Variants in TGFBR3L observed in about 807,000 individuals in gnomAD.
The protein encoded by TGFBR3L is transforming growth factor-beta receptor type 3-like protein.
TGFBR3L carries 21 observed loss-of-function variants against 20.4 expected under a neutral mutation model. The ratio of observed to expected loss-of-function variants is 1.03; its 90% CI spans 0.73 to 1.48. The LOEUF is 1.48. Ranked by LOEUF, TGFBR3L falls within the 40% of genes most tolerant of loss-of-function variation. TGFBR3L has a pLI of 0.00. For missense variants in TGFBR3L, 479 were observed against 498.0 expected (o/e 0.96, Z 0.36); for synonymous variants, 245 against 244.2 (o/e 1.00, Z -0.03).
In TGFBR3L at chr19:7,917,781, G is replaced by C; in HGVS notation, c.805G>C (p.Val269Leu). The stretch of plus-strand genomic sequence containing the variant: ...CCCCGCGGCCCTGGAACCCGCGCCG[G>C]TGGTGGCGCTGGTGTTGGCAGCCTT... Residue 269 changes from valine (V) to leucine (L), a missense_variant, in exon 4 of 6, where the codon GTG becomes CTG. Val to Leu is a conservative substitution (Grantham distance 32, BLOSUM62 1). Transcript: ENST00000565886. 1.4e-6 allele frequency: 2 copies of C among 1,441,034 alleles called. No individual in the cohort carries two copies. Among genetic ancestry groups the C allele is most frequent in the Non-Finnish European group, 1.8e-6 (2 of 1,105,040 alleles). The allele number at this position is 1,441,034 out of a possible 1,614,324, so 89.3% of individuals were successfully genotyped here.
chr19:7,917,421 C>A, intron 2 of TGFBR3L, 52 bp from the exon 4 acceptor site: 2 of 1,501,648 alleles, frequency 1.3e-6, no homozygotes, highest in Non-Finnish European at 1.8e-6. Context: ...ACCAGAGCCA[C>A]GATCCCGGTG....
Position 7,916,031 on chromosome 19 carries a change from C to T in TGFBR3L, c.-237C>T. On this transcript the variant is annotated 5_prime_UTR_variant, in exon 1 of 6. Transcript: ENST00000565886. Reference sequence around the variant, plus strand: ...TTAGAAAGGGGAGCCGCCTGTCCTGCTGCGTCCCCAAGAGCAGCCCTGGGG... The same window carrying T: ...TTAGAAAGGGGAGCCGCCTGTCCTGTTGCGTCCCCAAGAGCAGCCCTGGGG... 4 of 692,200 alleles carry T rather than the reference C, an allele frequency of 5.8e-6. No homozygotes were observed. Among genetic ancestry groups the T allele is most frequent in the Non-Finnish European group, 6.9e-6 (3 of 433,216 alleles). 42.9% of individuals were successfully genotyped at this position (692,200 alleles called of 1,614,324 possible).
In TGFBR3L at chr19:7,919,050, T is replaced by C; in HGVS notation, c.*139T>C. The C allele has an allele frequency of 2.5e-6, 1 of 398,684 alleles. No homozygotes were observed. 24.7% of individuals were successfully genotyped at this position (398,684 alleles called of 1,614,324 possible). Reference sequence around the variant, plus strand: ...GACCCCTGCGCTTCTCTCCTCCCCCTGTCCCTCCCACCTGTGCTCAAAATA... The same window carrying C: ...GACCCCTGCGCTTCTCTCCTCCCCCCGTCCCTCCCACCTGTGCTCAAAATA... On this transcript the variant is annotated 3_prime_UTR_variant, in exon 6 of 6. Transcript: ENST00000565886.
chr19:7,916,725 G>A lies in TGFBR3L; in HGVS notation c.380G>A (p.Arg127His). The A allele has an allele frequency of 6.7e-7, 1 of 1,485,154 alleles. No individual in the cohort carries two copies. The allele number at this position is 1,485,154 out of a possible 1,614,324, so 92.0% of individuals were successfully genotyped here. A position where few individuals can be genotyped will look rare whatever the true frequency, so the allele number is the denominator to read the frequency against. ...CCGGGGCCCGCCCTGGCTCTGCTGC[G>A]TGAGGGCTGCCCCGCCGACACCTCT... The change falls in exon 2 of 6, where the codon CGT becomes CAT. Residue 127 changes from arginine to histidine, a missense_variant. Transcript: ENST00000565886.
rs1284280088 is a variant in TGFBR3L, at chr19:7,916,791, C to T, written c.446C>T (p.Ala149Val). The T allele has an allele frequency of 3.4e-6, 5 of 1,488,782 alleles. No individual in the cohort carries two copies. Among genetic ancestry groups the T allele is most frequent in the East Asian group, 5.6e-5 (2 of 35,724 alleles). 92.2% of individuals were successfully genotyped at this position (1,488,782 alleles called of 1,614,324 possible). Residue 149 changes from alanine (A) to valine (V), a missense_variant, in exon 2 of 6, where the codon GCC becomes GTC. Transcript: ENST00000565886. Reference sequence around the variant, plus strand: ...CCGCCGCCGCCGAGCCCGGGTGCCGCCCGCCCCGCGCGTTTCAGCTTCCGC... The same window carrying T: ...CCGCCGCCGCCGAGCCCGGGTGCCGTCCGCCCCGCGCGTTTCAGCTTCCGC...
chr19:7,916,986 G>C (rs1889306484), intron 2 of TGFBR3L, 44 bp downstream of exon 3: 2 of 1,269,642 alleles, frequency 1.6e-6, no homozygotes, highest in Non-Finnish European at 9.9e-7. Context: ...GGGGCCCTTC[G>C]GGGGCTGGGC....
chr19:7,917,174 G>A, intron 2 of TGFBR3L: 3 of 781,486 alleles, frequency 3.8e-6, no homozygotes, highest in Non-Finnish European at 5.5e-6. Context: ...GGATGCAGAA[G>A]GCCACTAAGG....
chr19:7,919,007 C>T lies in TGFBR3L; in HGVS notation c.*96C>T. 1 of 398,834 alleles carries T rather than the reference C, an allele frequency of 2.5e-6. No homozygotes were observed. The highest frequency in any genetic ancestry group is 4.4e-6 in the Non-Finnish European group (1 of 226,216). 24.7% of individuals were successfully genotyped at this position (398,834 alleles called of 1,614,324 possible). On this transcript the variant is annotated 3_prime_UTR_variant, in exon 6 of 6. Coordinates refer to ENST00000565886, the MANE Select transcript of TGFBR3L (RefSeq NM_001195259.2). ...GGACCGGACCCGCCTCCCTGGACCT[C>T]GGACCTGATGAGGCCACGACCCCTG...
In TGFBR3L at chr19:7,916,267, C is replaced by G; in HGVS notation, c.-1C>G. On this transcript the variant is annotated 5_prime_UTR_variant, in exon 1 of 6. Coordinates refer to ENST00000565886, the MANE Select transcript of TGFBR3L (RefSeq NM_001195259.2). The stretch of plus-strand genomic sequence containing the variant: ...GGGGGGAAAGTGGCGCGGAGCCCAT[C>G]ATGGGTGAATCGGCCGCCGCAACCG... 6.5e-7 allele frequency: 1 copy of G among 1,534,340 alleles called. No individual in the cohort carries two copies. The highest frequency in any genetic ancestry group is 2.4e-5 in the East Asian group (1 of 40,898).
intron 2 of TGFBR3L, 50 bp downstream of exon 3, chr19:7,916,992 T>G: frequency 2.4e-6 from 3 of 1,252,722 alleles, no homozygotes; most frequent in Non-Finnish European, 3.0e-6. Context: ...CTTCGGGGGC[T>G]GGGCACGGGC....
At chr19:7,917,020 G>T in intron 2 of TGFBR3L, 78 bp downstream of exon 3, 1 of 1,255,692 alleles carries the variant, frequency 8.0e-7, no homozygotes. Flanking sequence ...GCAGTGGAAA[G>T]AGGATACTCT....
Position 7,918,096 on chromosome 19 carries a change from G to T in TGFBR3L, c.923G>T (p.Ser308Ile), listed in dbSNP as rs771776660. 2.0e-6 allele frequency: 3 copies of T among 1,535,088 alleles called. No individual in the cohort carries two copies. The highest frequency in any genetic ancestry group is 2.6e-6 in the Non-Finnish European group (3 of 1,146,172). The change falls in exon 5 of 6, where the codon AGC becomes ATC. Residue 308 changes from serine (S) to isoleucine (I), a missense_variant. Physicochemically the swap from Ser to Ile is moderately radical, Grantham distance 142. Coordinates refer to ENST00000565886, the MANE Select transcript of TGFBR3L (RefSeq NM_001195259.2). ...GGCCCGCCCGCGAGAGCCTCGCCCAGCGGTCCCCAGCCCAGGAGGTCCCAG... is the reference window on the plus strand; with the variant it reads ...GGCCCGCCCGCGAGAGCCTCGCCCATCGGTCCCCAGCCCAGGAGGTCCCAG...
At chr19:7,917,397 TG>T in intron 2 of TGFBR3L, 75 bp from the exon 4 acceptor site, 1 of 1,474,222 alleles carries the variant, frequency 6.8e-7, no homozygotes, top group South Asian at 1.3e-5. Flanking sequence ...AGGTCTCTCT[TG>T]GGGGCCCTGG....
At position 7,916,147 on chromosome 19, in the gene TGFBR3L, C is replaced by T. The variant is rs1983274335; in HGVS notation, c.-121C>T. 7.0e-7 allele frequency: 1 copy of T among 1,436,932 alleles called. No homozygotes were observed. Among genetic ancestry groups the T allele is most frequent in the Non-Finnish European group, 9.1e-7 (1 of 1,099,476 alleles). The allele number at this position is 1,436,932 out of a possible 1,614,324, so 89.0% of individuals were successfully genotyped here. On this transcript the variant is annotated 5_prime_UTR_variant, in exon 1 of 6. Transcript: ENST00000565886. ...TCCGCCCCAGGGAGGGCTTCGCCAG[C>T]TTCGGAGGCTTCTCTAGGGGCGCAT...
In TGFBR3L at chr19:7,916,699, C is replaced by G. The variant is rs1457058805; in HGVS notation, c.354C>G (p.Ala118=). The change falls in exon 2 of 6, where the codon GCC becomes GCG. Residue 118 remains alanine (A), a synonymous_variant. Transcript: ENST00000565886. ...CAGTGACGCCGTCCTCACGCCCGGC[C>G]CCGGGGCCCGCCCTGGCTCTGCTGC... 2.1e-6 allele frequency: 3 copies of G among 1,448,018 alleles called. No homozygotes were observed. The highest frequency in any genetic ancestry group is 1.4e-5 in the South Asian group (1 of 73,160). The allele number at this position is 1,448,018 out of a possible 1,614,324, so 89.7% of individuals were successfully genotyped here.
intron 5 of TGFBR3L, 132 bp downstream of exon 6, chr19:7,918,261 A>T (rs1983412581): frequency 8.6e-7 from 1 of 1,157,656 alleles, no homozygotes; most frequent in Non-Finnish European, 1.2e-6. Context: ...TTTGAGACGG[A>T]GTTTCGCTCT....
At position 7,918,085 on chromosome 19, in the gene TGFBR3L, A is replaced by G; in HGVS notation, c.912A>G (p.Arg304=). The change falls in exon 5 of 6, where the codon AGA becomes AGG. Residue 304 remains arginine, a synonymous_variant. Coordinates refer to ENST00000565886, the MANE Select transcript of TGFBR3L (RefSeq NM_001195259.2). ...CCCACGCCCCTGGCCCGCCCGCGAG[A>G]GCCTCGCCCAGCGGTCCCCAGCCCA... 1 of 1,535,770 alleles carries G rather than the reference A, an allele frequency of 6.5e-7. No homozygotes were observed. The highest frequency in any genetic ancestry group is 8.7e-7 in the Non-Finnish European group (1 of 1,146,726).
chr19:7,918,832 G>GACCA (rs1568287195), intron 5 of TGFBR3L, 85 bp from the exon 7 acceptor site: 9 of 397,936 alleles, frequency 2.3e-5, no homozygotes, highest in Non-Finnish European at 3.5e-5. Flanking sequence ...CATGCAGACC[G>GACCA]ATGGAAGAGG....
At position 7,918,951 on chromosome 19, in the gene TGFBR3L, C is replaced by G. The variant is rs1983452425; in HGVS notation, c.*40C>G. 2 of 398,642 alleles carry G rather than the reference C, an allele frequency of 5.0e-6. No individual in the cohort carries two copies. The highest frequency in any genetic ancestry group is 7.1e-5 in the East Asian group (2 of 28,068). 24.7% of individuals were successfully genotyped at this position (398,642 alleles called of 1,614,324 possible). A position where few individuals can be genotyped will look rare whatever the true frequency, so the allele number is the denominator to read the frequency against. ...GCCCCCAACATGGTCCGGAGATACACCCAGCTACCAATTCGGGACCAGGAC... is the reference window on the plus strand; with the variant it reads ...GCCCCCAACATGGTCCGGAGATACAGCCAGCTACCAATTCGGGACCAGGAC... On this transcript the variant is annotated 3_prime_UTR_variant, in exon 6 of 6. Transcript: ENST00000565886.
Sources: allele counts gnomAD v4.1 joint callset, GRCh38; gene constraint gnomAD v4.1.1; transcripts MANE v1.5; gene names NCBI Gene and HGNC (gene_info 2026-07-23, HGNC 2026-07-21).